CNNM1: variants seen among roughly 807,000 people sequenced by gnomAD.
CNNM1 encodes cyclin and CBS domain divalent metal cation transport mediator 1, also known as metal transporter CNNM1.
CNNM1 carries 44 observed loss-of-function variants against 78.8 expected under a neutral mutation model. That is an observed-to-expected ratio of 0.56 (90% CI 0.44 to 0.72). The LOEUF is 0.72. Ranked by LOEUF, CNNM1 falls within the 30% of genes least tolerant of loss-of-function variation. The pLI, the probability that CNNM1 is intolerant of heterozygous loss-of-function variation, is 0.00. For missense variants in CNNM1, 1,101 were observed against 1,292.2 expected (o/e 0.85, Z 2.27); for synonymous variants, 584 against 581.5 (o/e 1.00, Z -0.06).
At chr10:99,350,246 G>A (rs2030888525) in intron 1 of CNNM1, among the ~76,000 whole-genome samples, 1 of 152,220 alleles carries the variant, frequency 6.6e-6, no homozygotes, top group South Asian at 2.1e-4. Context: ...ACACCTGGAA[G>A]AAGAACGTAG....
intron 5 of CNNM1, 48 bp from the exon 6 acceptor site, chr10:99,364,907 G>A (rs748409165): frequency 6.3e-6 from 10 of 1,577,016 alleles, no homozygotes; most frequent in Middle Eastern, 1.7e-4. Context: ...CATAAGAAGT[G>A]TGTTTTCTGA....
intron 6 of CNNM1, among the ~76,000 whole-genome samples, chr10:99,376,327 G>A (rs570770180): frequency 3.6e-4 from 55 of 152,332 alleles, no homozygotes; most frequent in African/African-American, 1.3e-3. Flanking sequence ...TCTGTTTTCT[G>A]GCATGGTTGC....
chr10:99,350,225 A>G (rs1277429280), intron 1 of CNNM1, among the ~76,000 whole-genome samples: 1 of 152,214 alleles, frequency 6.6e-6, no homozygotes, highest in Non-Finnish European at 1.5e-5. Flanking sequence ...TGAATAAAAG[A>G]TGCTGCAAGC....
At chr10:99,362,006 G>A (rs2031448904) in intron 3 of CNNM1, among the ~76,000 whole-genome samples, 1 of 152,210 alleles carries the variant, frequency 6.6e-6, no homozygotes, top group Non-Finnish European at 1.5e-5. Context: ...TGCCAGTGCA[G>A]GGACACACAT....
At chr10:99,382,410 G>C (rs951715544) in intron 7 of CNNM1, among the ~76,000 whole-genome samples, 1 of 152,154 alleles carries the variant, frequency 6.6e-6, no homozygotes, top group African/African-American at 2.4e-5. Flanking sequence ...CATCACCCTA[G>C]ATTGCAGCAT....
rs1163770651 is a variant in CNNM1, at chr10:99,330,331, A to G, written c.944A>G (p.Asp315Gly). The G allele has an allele frequency of 6.3e-7, 1 of 1,599,742 alleles. No homozygotes were observed. The highest frequency in any genetic ancestry group is 8.5e-7 in the Non-Finnish European group (1 of 1,174,218). ...LPPGFGGTGEDYSEEGIHFPW... is the reference protein window; with the variant it reads ...LPPGFGGTGEGYSEEGIHFPW... ...CCGGGCTTCGGGGGCACCGGGGAAGACTACAGCGAAGAGGGGATCCACTTC... is the reference window on the plus strand; with the variant it reads ...CCGGGCTTCGGGGGCACCGGGGAAGGCTACAGCGAAGAGGGGATCCACTTC... Residue 315 changes from aspartate (D) to glycine (G), a missense_variant, in exon 1 of 11, where the codon GAC becomes GGC. This residue lies in a region of CNNM1 where 476 missense variants were observed against 484.5 expected (regional missense o/e 0.98). Coordinates refer to ENST00000356713, the MANE Select transcript of CNNM1 (RefSeq NM_020348.3).
chr10:99,383,817 G>A (rs1262312187), intron 7 of CNNM1, among the ~76,000 whole-genome samples: 6 of 152,124 alleles, frequency 3.9e-5, no homozygotes, highest in African/African-American at 7.2e-5. Flanking sequence ...TGTTTAGGCC[G>A]TCCACTAAAC....
At chr10:99,334,178 A>G (rs2030055570) in intron 1 of CNNM1, among the ~76,000 whole-genome samples, 1 of 152,154 alleles carries the variant, frequency 6.6e-6, no homozygotes. Context: ...GCCTTCAGAG[A>G]CCCCTTATTA....
At chr10:99,378,452 G>A (rs890003208) in intron 7 of CNNM1, among the ~76,000 whole-genome samples, 5 of 152,158 alleles carry the variant, frequency 3.3e-5, no homozygotes, top group East Asian at 1.9e-4. Flanking sequence ...CAGAACGCAC[G>A]CCTTCATTAT....
intron 1 of CNNM1, among the ~76,000 whole-genome samples, chr10:99,337,043 A>G (rs1481799492): frequency 1.3e-5 from 2 of 152,224 alleles, no homozygotes; most frequent in Non-Finnish European, 2.9e-5. Context: ...AATGAAAATA[A>G]TACTAATATT....
chr10:99,345,278 C>T (rs1238001716), intron 1 of CNNM1, among the ~76,000 whole-genome samples: 3 of 152,142 alleles, frequency 2.0e-5, no homozygotes, highest in Non-Finnish European at 2.9e-5. Context: ...TCTCAGGATT[C>T]AGCTTGGTTT....
Position 99,329,892 on chromosome 10 carries a change from A to C in CNNM1, c.505A>C (p.Lys169Gln), listed in dbSNP as rs1850562134. The change falls in exon 1 of 11, where the codon AAG becomes CAG. Residue 169 changes from lysine (K) to glutamine (Q), a missense_variant. This residue lies in a region of CNNM1 where 476 missense variants were observed against 484.5 expected (regional missense o/e 0.98). Coordinates refer to ENST00000356713, the MANE Select transcript of CNNM1 (RefSeq NM_020348.3). Reference sequence around the variant, plus strand: ...CCAGGTGCGAGTGCGGGAGCTGCGCAAGGGCGAAGCGGAGCGGGGCGGCGC... The same window carrying C: ...CCAGGTGCGAGTGCGGGAGCTGCGCCAGGGCGAAGCGGAGCGGGGCGGCGC... ...LVQVRVRELR[K>Q]GEAERGGAGG... The C allele has an allele frequency of 7.2e-7, 1 of 1,392,372 alleles. No homozygotes were observed. The highest frequency in any genetic ancestry group is 3.7e-5 in the Admixed American group (1 of 26,858). The allele number at this position is 1,392,372 out of a possible 1,614,324, so 86.3% of individuals were successfully genotyped here. A position where few individuals can be genotyped will look rare whatever the true frequency, so the allele number is the denominator to read the frequency against.
At chr10:99,379,576 G>A (rs937457038) in intron 7 of CNNM1, among the ~76,000 whole-genome samples, 1 of 152,112 alleles carries the variant, frequency 6.6e-6, no homozygotes, top group African/African-American at 2.4e-5. Flanking sequence ...AGCATCACAG[G>A]TGGTATCACC....
At chr10:99,370,828 T>C (rs961399288) in intron 6 of CNNM1, among the ~76,000 whole-genome samples, 4 of 152,208 alleles carry the variant, frequency 2.6e-5, no homozygotes, top group Admixed American at 6.5e-5. Flanking sequence ...CCGTATCTTA[T>C]ATGGGAGGAA....
intron 2 of CNNM1, among the ~76,000 whole-genome samples, chr10:99,359,940 A>C (rs1298023747): frequency 2.6e-5 from 4 of 151,946 alleles, no homozygotes; most frequent in African/African-American, 4.8e-5. Flanking sequence ...AAAAAAACAA[A>C]AAAAAAAGCG....
chr10:99,383,859 T>C lies in CNNM1; in HGVS notation c.2341-3961T>C, dbSNP rs527790633. 3.3e-5 allele frequency among the ~76,000 whole-genome samples: 5 copies of C among 152,302 alleles called. No individual in the cohort carries two copies. The East Asian group carries it at 5.8e-4, about 18-fold the overall frequency. ...CATCCAGTACAGCAGCCAGTAGCCA[T>C]GTATAAATACAGCCATTTAGTTACA... On this transcript the variant is annotated intron_variant, in intron 7 of 10. Transcript: ENST00000356713.
intron 7 of CNNM1, among the ~76,000 whole-genome samples, chr10:99,382,421 T>G (rs2032189239): frequency 6.6e-6 from 1 of 152,200 alleles, no homozygotes. Flanking sequence ...ATTGCAGCAT[T>G]GTGTCTTCAG....
chr10:99,384,994 G>A (rs1000377364), intron 7 of CNNM1, among the ~76,000 whole-genome samples: 1 of 150,680 alleles, frequency 6.6e-6, no homozygotes, highest in Non-Finnish European at 1.5e-5. Context: ...TTGAATCTGG[G>A]AGGCAAAGGT....
Position 99,330,108 on chromosome 10 carries a change from G to T in CNNM1, c.721G>T (p.Gly241Cys), listed in dbSNP as rs867795507. The change falls in exon 1 of 11, where the codon GGC becomes TGC. Residue 241 changes from glycine to cysteine, a missense_variant. Around this residue, in one of 3 missense-constraint regions of CNNM1, gnomAD observed 476 missense variants for 484.5 expected, o/e 0.98. Transcript: ENST00000356713. ...GCTAGCCTTGTCGGCCCTGTTCAGC[G>T]GCCTGCGCCTGAGCCTGCTGTCGCT... The part of the protein sequence containing the change: ...LLLALSALFS[G>C]LRLSLLSLDP... The T allele has an allele frequency of 6.5e-7, 1 of 1,550,092 alleles. No individual in the cohort carries two copies. The highest frequency in any genetic ancestry group is 8.7e-7 in the Non-Finnish European group (1 of 1,155,408).
Sources: allele counts gnomAD v4.1 joint callset (sites outside exome capture counted in the v4.1 genomes callset), GRCh38; gene constraint gnomAD v4.1.1; regional missense constraint gnomAD v4.1.1; transcripts MANE v1.5; gene names NCBI Gene and HGNC (gene_info 2026-07-23, HGNC 2026-07-21).